The following MEGF6 variants were observed in gnomAD, a reference collection of about 807,000 sequenced individuals.
The protein encoded by MEGF6 is multiple epidermal growth factor-like domains protein 6.
In MEGF6, 184 loss-of-function variants were observed where a neutral mutation model predicts 207.1. The observed-to-expected ratio is 0.89, with a 90% CI of 0.79 to 1.00. The LOEUF (loss-of-function observed/expected upper bound fraction) is 1.00. Among genes scored for constraint, MEGF6 ranks in the 50% least tolerant of loss-of-function variants. The probability of loss-of-function intolerance (pLI) is 0.00; values close to 1 mark genes in which losing one functional copy is unlikely to be tolerated. For synonymous variants in MEGF6, 1,038 were observed against 910.0 expected (o/e 1.14, Z -2.53); for missense variants, 2,282 against 2,202.9 (o/e 1.04, Z -0.72).
At chr1:3,504,794 C>T (rs1385888036) in intron 17 of MEGF6, among the ~76,000 whole-genome samples, 2 of 152,196 alleles carry the variant, frequency 1.3e-5, no homozygotes, top group Non-Finnish European at 2.9e-5. Flanking sequence ...ACCCAGACCA[C>T]TCTCTGAACC....
Position 3,495,835 on chromosome 1 carries a change from C to T in MEGF6, c.3871+55G>A, listed in dbSNP as rs1640574741. 8.3e-6 allele frequency: 13 copies of T among 1,575,124 alleles called. No homozygotes were observed. In the South Asian group the frequency reaches 1.5e-4, roughly 18 times the overall value. On this transcript the variant is annotated intron_variant, in intron 30 of 36. Transcript: ENST00000356575. ...CCCCTCCAGTGTCCCCACGGCTAAT[C>T]CAGTGACATCTCTGTGAAGGGCCTG...
intron 4 of MEGF6, among the ~76,000 whole-genome samples, chr1:3,539,533 T>C (rs1200208166): frequency 1.3e-5 from 2 of 152,100 alleles, no homozygotes; most frequent in African/African-American, 2.4e-5. Context: ...GCCCGGGTCA[T>C]GCAGGAGGCA....
At chr1:3,502,397 T>C (rs1355666921) in intron 17 of MEGF6, among the ~76,000 whole-genome samples, 1 of 152,062 alleles carries the variant, frequency 6.6e-6, no homozygotes, top group South Asian at 2.1e-4. Context: ...CAGTCCAACC[T>C]GGCGATGCTG....
In MEGF6 at chr1:3,492,682, C is replaced by T. The variant is rs560296111; in HGVS notation, c.4473G>A (p.Gln1491=). The T allele has an allele frequency of 8.0e-5, 129 of 1,612,664 alleles. 1 individual carries two copies. The South Asian group carries it at 1.4e-3, about 17-fold the overall frequency. Residue 1491 remains glutamine (Q), a synonymous_variant, in exon 35 of 37, where the codon CAG becomes CAA. Coordinates refer to ENST00000356575, the MANE Select transcript of MEGF6 (RefSeq NM_001409.4). The part of the protein sequence containing the change: ...GGADCDPVSG[Q]CHCVDGYMGP... ...CCATGTAGCCATCCACACAGTGACA[C>T]TGCCCACTGACAGGGTCGCAGTCAG...
chr1:3,613,633 G>A (rs1644354321), upstream of MEGF6, among the ~76,000 whole-genome samples: 1 of 152,190 alleles, frequency 6.6e-6, no homozygotes, highest in South Asian at 2.1e-4. Flanking sequence ...GATCCTGTGG[G>A]TTCAAAAGGA....
At chr1:3,514,515 C>A in intron 7 of MEGF6, 35 bp downstream of exon 7, 1 of 1,563,988 alleles carries the variant, frequency 6.4e-7, no homozygotes, top group East Asian at 2.3e-5. Flanking sequence ...GCTTTCTGAC[C>A]CTGGGCGGGG....
At chr1:3,610,868 T>A (rs922559083) in intron 1 of MEGF6, among the ~76,000 whole-genome samples, 1 of 145,906 alleles carries the variant, frequency 6.9e-6, no homozygotes, top group Non-Finnish European at 1.5e-5. Context: ...AAGTACAGTA[T>A]CTGCCTGAGC....
chr1:3,497,930 TG>T (rs2100886910), intron 26 of MEGF6, among the ~76,000 whole-genome samples: 1 of 152,288 alleles, frequency 6.6e-6, no homozygotes, highest in Non-Finnish European at 1.5e-5. Flanking sequence ...TGCCCTTGCA[TG>T]TCTGGGCTCT....
At position 3,490,326 on chromosome 1, in the gene MEGF6, G is replaced by T; in HGVS notation, c.*202C>A. 1.7e-6 allele frequency: 1 copy of T among 598,200 alleles called. No homozygotes were observed. The highest frequency in any genetic ancestry group is 2.9e-6 in the Non-Finnish European group (1 of 348,026). The allele number at this position is 598,200 out of a possible 1,614,324, so 37.1% of individuals were successfully genotyped here. A position where few individuals can be genotyped will look rare whatever the true frequency, so the allele number is the denominator to read the frequency against. On this transcript the variant is annotated 3_prime_UTR_variant, in exon 37 of 37. Coordinates refer to ENST00000356575, the MANE Select transcript of MEGF6 (RefSeq NM_001409.4). ...GCCAGGAGGCGCCTCTCTTCCAGCG[G>T]CCATGCGAGGCTTCCCTCCTCAAGG...
intron 4 of MEGF6, among the ~76,000 whole-genome samples, chr1:3,554,531 T>C (rs74048603): frequency 0.011 from 1,619 of 152,290 alleles, 29 homozygotes; most frequent in African/African-American, 0.037. Context: ...CTGGGGCTGA[T>C]GTACCAGAGT....
At chr1:3,530,835 G>A (rs1427502497) in intron 4 of MEGF6, among the ~76,000 whole-genome samples, 4 of 152,170 alleles carry the variant, frequency 2.6e-5, no homozygotes, top group Admixed American at 2.0e-4. Flanking sequence ...TCTTTCCTCC[G>A]GTCAAGGGAC....
At chr1:3,588,731 A>G (rs951795933) in intron 3 of MEGF6, among the ~76,000 whole-genome samples, 3 of 152,020 alleles carry the variant, frequency 2.0e-5, no homozygotes, top group African/African-American at 7.3e-5. Context: ...GCCGGGCCCA[A>G]GCTCTCTAGA....
At chr1:3,506,335 C>A in intron 14 of MEGF6, 99 bp from the exon 15 acceptor site, 1 of 1,444,200 alleles carries the variant, frequency 6.9e-7, no homozygotes, top group Non-Finnish European at 9.3e-7. Flanking sequence ...GGGCCCAGCA[C>A]AGGAGCTGGG....
intron 4 of MEGF6, among the ~76,000 whole-genome samples, chr1:3,548,475 G>A (rs978178386): frequency 2.0e-5 from 3 of 152,270 alleles, no homozygotes; most frequent in Non-Finnish European, 4.4e-5. Flanking sequence ...GGAATTCCTA[G>A]AGAGTTACAC....
intron 1 of MEGF6, among the ~76,000 whole-genome samples, chr1:3,604,717 A>C (rs1259802006): frequency 1.3e-5 from 2 of 152,094 alleles, no homozygotes; most frequent in African/African-American, 4.8e-5. Flanking sequence ...TGATCTGCTC[A>C]AGATCACCAG....
chr1:3,589,741 G>A (rs748769152), intron 3 of MEGF6, among the ~76,000 whole-genome samples: 1 of 152,184 alleles, frequency 6.6e-6, no homozygotes, highest in Non-Finnish European at 1.5e-5. Context: ...ATGTCAAGTG[G>A]ATCGCCTGCA....
In MEGF6 at chr1:3,489,233, T is replaced by G. The variant is rs1640256029; in HGVS notation, c.*1295A>C. 6.6e-6 allele frequency among the ~76,000 whole-genome samples: 1 copy of G among 152,260 alleles called. No homozygotes were observed. Reference sequence around the variant, plus strand: ...CCTCTGTGACAGCTCCCTTGCTGTCTGTGAGCAACCAAGCTCACTGGACTC... The same window carrying G: ...CCTCTGTGACAGCTCCCTTGCTGTCGGTGAGCAACCAAGCTCACTGGACTC... On this transcript the variant is annotated 3_prime_UTR_variant, in exon 37 of 37. Transcript: ENST00000356575.
At position 3,490,308 on chromosome 1, in the gene MEGF6, G is replaced by A; in HGVS notation, c.*220C>T. Reference sequence around the variant, plus strand: ...TGGGTTCTGCAGAGCCAGGCCAGGAGGCGCCTCTCTTCCAGCGGCCATGCG... The same window carrying A: ...TGGGTTCTGCAGAGCCAGGCCAGGAAGCGCCTCTCTTCCAGCGGCCATGCG... On this transcript the variant is annotated 3_prime_UTR_variant, in exon 37 of 37. Coordinates refer to ENST00000356575, the MANE Select transcript of MEGF6 (RefSeq NM_001409.4). The A allele has an allele frequency of 1.7e-6, 1 of 576,510 alleles. No homozygotes were observed. The highest frequency in any genetic ancestry group is 3.1e-5 in the East Asian group (1 of 32,610). The allele number at this position is 576,510 out of a possible 1,614,324, so 35.7% of individuals were successfully genotyped here.
At chr1:3,557,509 T>G (rs1193462559) in intron 4 of MEGF6, among the ~76,000 whole-genome samples, 1 of 152,202 alleles carries the variant, frequency 6.6e-6, no homozygotes, top group African/African-American at 2.4e-5. Flanking sequence ...CCCACCTCGC[T>G]GGGCGGTTAT....
Sources: allele counts gnomAD v4.1 joint callset (sites outside exome capture counted in the v4.1 genomes callset), GRCh38; gene constraint gnomAD v4.1.1; transcripts MANE v1.5; gene names NCBI Gene and HGNC (gene_info 2026-07-23, HGNC 2026-07-21).